Variants in PPP2R5C observed in about 807,000 individuals in gnomAD.
PPP2R5C encodes the protein protein phosphatase 2 regulatory subunit B'gamma.
A neutral mutation model predicts 68.9 loss-of-function variants in PPP2R5C; 7 were observed. The observed-to-expected ratio is 0.10, with a 90% confidence interval of 0.06 to 0.19. The LOEUF is 0.19. PPP2R5C is among the 10% of genes least tolerant of loss of function. The pLI, the probability that PPP2R5C is intolerant of heterozygous loss-of-function variation, is 1.00. For missense variants in PPP2R5C, 348 were observed against 641.3 expected (o/e 0.54, Z 4.94); for synonymous variants, 210 against 222.2 (o/e 0.95, Z 0.49).
chr14:101,828,702 G>A (rs1240237363), intron 1 of PPP2R5C, among the ~76,000 whole-genome samples: 2 of 133,400 alleles, frequency 1.5e-5, no homozygotes, highest in Admixed American at 8.2e-5. Flanking sequence ...TTTTTAGACA[G>A]TGTCTCACTC....
chr14:101,922,316 C>A, intron 13 of PPP2R5C: 1 of 432,622 alleles, frequency 2.3e-6, no homozygotes, highest in Non-Finnish European at 3.1e-6. Context: ...TGGTGAAACC[C>A]CATCTCTACT....
exon 14 of PPP2R5C, chr14:101,925,341 C>T (rs917979207): frequency 6.3e-7 from 1 of 1,585,992 alleles, no homozygotes; most frequent in Non-Finnish European, 8.6e-7. Context: ...ATACATACTT[C>T]CTGTGCCATA....
At chr14:101,770,433 CAGTT>C (rs2037085897) in intron 2 of PPP2R5C, among the ~76,000 whole-genome samples, 2 of 152,146 alleles carry the variant, frequency 1.3e-5, no homozygotes, top group African/African-American at 2.4e-5. Context: ...GGCCCCCACT[CAGTT>C]AGATCTTATT....
At chr14:101,813,202 A>G (rs1308131271) in intron 1 of PPP2R5C, among the ~76,000 whole-genome samples, 1 of 152,260 alleles carries the variant, frequency 6.6e-6, no homozygotes, top group Non-Finnish European at 1.5e-5. Flanking sequence ...TGTAAATTTA[A>G]GTGGACACAC....
chr14:101,894,410 G>A, intron 7 of PPP2R5C, 97 bp from the exon 10 acceptor site: 1 of 1,167,262 alleles, frequency 8.6e-7, no homozygotes, highest in Non-Finnish European at 1.3e-6. Flanking sequence ...GTGGGTCCTT[G>A]TCTTGCTGTG....
chr14:101,827,363 C>T (rs1653950571), intron 1 of PPP2R5C, among the ~76,000 whole-genome samples: 1 of 152,138 alleles, frequency 6.6e-6, no homozygotes, highest in Non-Finnish European at 1.5e-5. Context: ...TATGCACCCT[C>T]CAGAATGCAT....
rs972619589 is a variant in PPP2R5C at position 101,915,638 on chromosome 14, T to G, written c.1327-2193T>G. 2.0e-5 allele frequency among the ~76,000 whole-genome samples: 3 copies of G among 152,150 alleles called. No homozygotes were observed. Among genetic ancestry groups the G allele is most frequent in the African/African-American group, 4.8e-5 (2 of 41,434 alleles). On this transcript the variant is annotated intron_variant, in intron 12 of 13. Transcript: ENST00000334743. This position sits in a 1 kb window ranked among gnomAD's most constrained non-coding sequence, Gnocchi z 4.2. ...AAGTCTCAGGAGTCTTGCAGCCACT[T>G]AGGTTTCTGTATCTCCCACCTGACT...
chr14:101,860,077 T>C (rs977200427), intron 2 of PPP2R5C, among the ~76,000 whole-genome samples: 2 of 152,188 alleles, frequency 1.3e-5, no homozygotes, highest in African/African-American at 4.8e-5. Context: ...TTAAAGTGTA[T>C]GAGTCAGTGA....
chr14:101,780,593 G>A (rs1201456390), intron 2 of PPP2R5C, among the ~76,000 whole-genome samples: 1 of 152,100 alleles, frequency 6.6e-6, no homozygotes, highest in Non-Finnish European at 1.5e-5. Flanking sequence ...ATTCCCCCAC[G>A]TTCCCTGGTT....
intron 11 of PPP2R5C, among the ~76,000 whole-genome samples, chr14:101,912,171 T>C (rs1158655348): frequency 6.6e-6 from 1 of 152,226 alleles, no homozygotes; most frequent in Admixed American, 6.5e-5. Flanking sequence ...TTATATAAGA[T>C]TTCTTTTAAG....
chr14:101,773,537 G>A (rs999481622), intron 2 of PPP2R5C, among the ~76,000 whole-genome samples: 3 of 152,150 alleles, frequency 2.0e-5, no homozygotes, highest in Non-Finnish European at 4.4e-5. Flanking sequence ...TGAGTTTGCC[G>A]TGTCCACTGC....
At chr14:101,763,073 T>A in intron 2 of PPP2R5C, 103 bp downstream of exon 2, 2 of 1,018,974 alleles carry the variant, frequency 2.0e-6, no homozygotes, top group Non-Finnish European at 2.9e-6. Context: ...AATGTTTCCC[T>A]ATGTGAGGTT....
chr14:101,921,808 G>A (rs1467126959), intron 13 of PPP2R5C, among the ~76,000 whole-genome samples: 4 of 152,184 alleles, frequency 2.6e-5, no homozygotes, highest in Non-Finnish European at 5.9e-5. Flanking sequence ...GATGGATGGA[G>A]TAGGCTGGAT....
At chr14:101,771,251 G>GTGTGTA (rs1304347646) in intron 2 of PPP2R5C, among the ~76,000 whole-genome samples, 3 of 132,538 alleles carry the variant, frequency 2.3e-5, no homozygotes, top group Non-Finnish European at 5.3e-5. Flanking sequence ...GTGTGTGTGT[G>GTGTGTA]TGTGTGTGTG....
At chr14:101,764,113 G>A (rs2036727394) in intron 2 of PPP2R5C, among the ~76,000 whole-genome samples, 1 of 152,240 alleles carries the variant, frequency 6.6e-6, no homozygotes, top group South Asian at 2.1e-4. Context: ...GGAATGCCAA[G>A]TGAGCATTGC....
intron 1 of PPP2R5C, among the ~76,000 whole-genome samples, chr14:101,848,247 G>C (rs563738972): frequency 1.6e-3 from 238 of 152,130 alleles, no homozygotes; most frequent in Non-Finnish European, 2.9e-3. Context: ...AAAGTGTGTT[G>C]GGGGGCCGGG....
rs146784011 is a variant in PPP2R5C, at chr14:101,874,042, T to A, written c.295-8119T>A. On this transcript the variant is annotated intron_variant, in intron 2 of 13. Transcript: ENST00000334743. ...AGTCTGCTTCATTTATAATAGATAC[T>A]CAATAAACACTTAACTCCGTCCACC... Among the ~76,000 whole-genome samples, 576 of 152,356 alleles carry A rather than the reference T, an allele frequency of 3.8e-3. 3 individuals are homozygous for A. The highest frequency in any genetic ancestry group is 6.8e-3 in the Middle Eastern group (2 of 294).
intron 13 of PPP2R5C, among the ~76,000 whole-genome samples, chr14:101,919,979 A>ACAAAAAAAAAAAC (rs72023751): frequency 2.0e-5 from 3 of 148,022 alleles, no homozygotes; most frequent in African/African-American, 7.9e-5. Flanking sequence ...CAAAAAAAAA[A>ACAAAAAAAAAAAC]AAAAAAAAAA....
chr14:101,821,614 TTGG>T (rs2040077536), intron 1 of PPP2R5C, among the ~76,000 whole-genome samples: 2 of 152,208 alleles, frequency 1.3e-5, no homozygotes, highest in Non-Finnish European at 2.9e-5. Flanking sequence ...TTTTAGGATC[TTGG>T]TGGCGCTCTC....
Sources: gnomAD v4.1 joint callset for allele counts (sites outside exome capture counted in the v4.1 genomes callset) on GRCh38, gnomAD v4.1.1 for gene constraint, Gnocchi (gnomAD v3.1) non-coding constraint, MANE v1.5 for transcripts, NCBI Gene and HGNC (gene_info 2026-07-23, HGNC 2026-07-21) for gene names.